UBR1: variants seen among roughly 807,000 people sequenced by gnomAD.
UBR1 encodes the protein ubiquitin protein ligase E3 component n-recognin 1, also known as E3 ubiquitin-protein ligase UBR1.
Under a neutral mutation model 242.1 loss-of-function variants are expected in UBR1, and 102 were observed. The observed-to-expected ratio is 0.42, with a 90% CI of 0.36 to 0.50. The LOEUF (loss-of-function observed/expected upper bound fraction) is 0.50, where lower values mean the gene tolerates loss of function less well. Among genes scored for constraint, UBR1 ranks in the 20% least tolerant of loss-of-function variants. UBR1 has a pLI of 0.01. For synonymous variants in UBR1, 675 were observed against 684.8 expected (o/e 0.99, Z 0.22); for missense variants, 1,772 against 2,101.8 (o/e 0.84, Z 3.07).
At chr15:42,980,589 T>TATCC (rs111388433) in intron 37 of UBR1, among the ~76,000 whole-genome samples, 3,980 of 151,602 alleles carry the variant, frequency 0.026, 103 homozygotes, top group African/African-American at 0.069. Flanking sequence ...CCTATCTATC[T>TATCC]ATCCATCCAT....
intron 27 of UBR1, among the ~76,000 whole-genome samples, chr15:43,017,460 A>G (rs542585785): frequency 1.3e-5 from 2 of 152,308 alleles, no homozygotes; most frequent in African/African-American, 4.8e-5. Context: ...CCAGGAAACA[A>G]AAATTTTTTT....
intron 15 of UBR1, among the ~76,000 whole-genome samples, chr15:43,038,717 C>A (rs1317626424): frequency 6.6e-6 from 1 of 152,156 alleles, no homozygotes; most frequent in African/African-American, 2.4e-5. Context: ...TATTTAAAAT[C>A]CTACACCATG....
At chr15:43,078,274 TAC>T (rs1022419688) in intron 3 of UBR1, among the ~76,000 whole-genome samples, 2 of 152,108 alleles carry the variant, frequency 1.3e-5, no homozygotes, top group African/African-American at 4.8e-5. Context: ...GATACATTTT[TAC>T]AGAGTGGAAA....
chr15:43,038,337 G>A (rs1048683546), intron 15 of UBR1, 105 bp from the exon 16 acceptor site: 33 of 1,100,472 alleles, frequency 3.0e-5, no homozygotes, highest in Admixed American at 9.1e-5. Flanking sequence ...GGCTGGGCGC[G>A]GTGGCTCATG....
intron 1 of UBR1, among the ~76,000 whole-genome samples, chr15:43,103,648 C>T (rs952165941): frequency 1.3e-5 from 2 of 152,144 alleles, no homozygotes; most frequent in Admixed American, 6.6e-5. Flanking sequence ...ACAGCCTTCA[C>T]GCTTACTAAT....
At chr15:43,042,292 A>G (rs1292837759) in intron 15 of UBR1, among the ~76,000 whole-genome samples, 1 of 152,200 alleles carries the variant, frequency 6.6e-6, no homozygotes, top group East Asian at 1.9e-4. Context: ...GTGTCCATCA[A>G]CGGATAAATG....
intron 1 of UBR1, among the ~76,000 whole-genome samples, chr15:43,086,872 A>C (rs2034042335): frequency 6.6e-6 from 1 of 152,184 alleles, no homozygotes; most frequent in African/African-American, 2.4e-5. Context: ...CTAGGCCAAA[A>C]GTGCTTTCCC....
At chr15:42,981,636 C>T (rs1193213331) in intron 37 of UBR1, among the ~76,000 whole-genome samples, 2 of 152,062 alleles carry the variant, frequency 1.3e-5, no homozygotes, top group East Asian at 3.9e-4. Context: ...ACTACAGGCG[C>T]CCGCCACCAC....
chr15:43,033,339 C>T (rs766502889), intron 19 of UBR1, among the ~76,000 whole-genome samples: 34 of 152,034 alleles, frequency 2.2e-4, no homozygotes, highest in African/African-American at 5.1e-4. Flanking sequence ...GGTGAAATCT[C>T]GTCTCCACTA....
chr15:43,105,869 G>T, intron 1 of UBR1, 73 bp downstream of exon 1: 1 of 1,435,204 alleles, frequency 7.0e-7, no homozygotes, highest in Non-Finnish European at 9.8e-7. Context: ...AAGGGGTGAA[G>T]CCCCACATCC....
intron 28 of UBR1, 106 bp downstream of exon 28, chr15:43,016,989 A>G: frequency 1.3e-6 from 1 of 796,412 alleles, no homozygotes; most frequent in South Asian, 1.4e-5. Context: ...ATACTTCACA[A>G]TCAACAGGTT....
At chr15:43,060,433 T>C (rs377703259) in intron 6 of UBR1, among the ~76,000 whole-genome samples, 12 of 152,212 alleles carry the variant, frequency 7.9e-5, no homozygotes, top group African/African-American at 2.7e-4. Flanking sequence ...TTTCTAAACT[T>C]CTGCTATGTA....
intron 1 of UBR1, among the ~76,000 whole-genome samples, chr15:43,098,782 C>G (rs549112670): frequency 1.4e-3 from 219 of 152,208 alleles, no homozygotes; most frequent in Non-Finnish European, 2.4e-3. Flanking sequence ...TTCCCTAACT[C>G]CCCAAAATAG....
At chr15:43,046,046 A>G (rs1436133706) in intron 14 of UBR1, among the ~76,000 whole-genome samples, 1 of 152,242 alleles carries the variant, frequency 6.6e-6, no homozygotes, top group Non-Finnish European at 1.5e-5. Context: ...GTCAATTGAT[A>G]AGGGCAGAAG....
chr15:43,079,337 A>C (rs917276112), intron 3 of UBR1, among the ~76,000 whole-genome samples: 1 of 152,200 alleles, frequency 6.6e-6, no homozygotes, highest in Non-Finnish European at 1.5e-5. Context: ...AAAATGTAAA[A>C]ACAAATTAAA....
chr15:43,025,073 A>C, intron 24 of UBR1, 90 bp from the exon 25 acceptor site: 1 of 1,506,402 alleles, frequency 6.6e-7, no homozygotes, highest in Non-Finnish European at 9.1e-7. Flanking sequence ...AATGTCAAAA[A>C]ATAATAGGTT....
chr15:43,079,820 G>A (rs1333832845), intron 3 of UBR1, among the ~76,000 whole-genome samples: 1 of 151,990 alleles, frequency 6.6e-6, no homozygotes, highest in East Asian at 1.9e-4. Context: ...AAGTCCTGAG[G>A]GTATTCAGGT....
intron 29 of UBR1, chr15:43,011,834 A>C: frequency 2.3e-6 from 1 of 427,914 alleles, no homozygotes. Context: ...AGTTCTAAGG[A>C]AAAATTAGAA....
intron 31 of UBR1, among the ~76,000 whole-genome samples, chr15:43,003,540 G>C (rs183782699): frequency 1.1e-4 from 16 of 152,370 alleles, no homozygotes; most frequent in Admixed American, 1.0e-3. Flanking sequence ...ACAGGTGTGA[G>C]CCACCACGCC....
Sources: allele counts gnomAD v4.1 joint callset (sites outside exome capture counted in the v4.1 genomes callset), GRCh38; gene constraint gnomAD v4.1.1; transcripts MANE v1.5; gene names NCBI Gene and HGNC (gene_info 2026-07-23, HGNC 2026-07-21).